CABP1: variants seen among roughly 807,000 people sequenced by gnomAD.
CABP1 encodes calcium binding protein 1, also known as calcium-binding protein 1.
Under a neutral mutation model 34.3 loss-of-function variants are expected in CABP1, and 17 were observed. The ratio of observed to expected loss-of-function variants is 0.50; its 90% CI spans 0.34 to 0.74. CABP1 has a LOEUF of 0.74. Among genes scored for constraint, CABP1 ranks in the 30% least tolerant of loss-of-function variants. The probability of loss-of-function intolerance (pLI) is 0.01; values close to 1 mark genes in which losing one functional copy is unlikely to be tolerated. For synonymous variants in CABP1, 198 were observed against 229.2 expected, an observed-to-expected ratio of 0.86 and a Z score of 1.23; for missense variants, 373 against 511.1, an observed-to-expected ratio of 0.73 and a Z score of 2.61.
chr12:120,648,117 G>C (rs1490151962), intron 1 of CABP1, among the ~76,000 whole-genome samples: 1 of 152,160 alleles, frequency 6.6e-6, no homozygotes, highest in Non-Finnish European at 1.5e-5. Context: ...CTTAACCTGA[G>C]CTTCCCTCTG....
At chr12:120,643,860 A>C (rs1879442759) in intron 1 of CABP1, among the ~76,000 whole-genome samples, 1 of 152,226 alleles carries the variant, frequency 6.6e-6, no homozygotes, top group South Asian at 2.1e-4. Flanking sequence ...AGTGTTAGTT[A>C]TTCTTCTTCT....
Position 120,641,766 on chromosome 12 carries a change from G to C in CABP1, c.654+427G>C, listed in dbSNP as rs1424367168. On this transcript the variant is annotated intron_variant, in intron 1 of 5. Transcript: ENST00000316803. The surrounding 1 kb of genome is among the most constrained non-coding windows in gnomAD (Gnocchi z 6.7). ...GGTTTGGAGTCTGGGGGTCAAGAGA[G>C]GGGACCTCAGAGAACACAGAATTAC... 6.6e-6 allele frequency among the ~76,000 whole-genome samples: 1 copy of C among 152,276 alleles called. No homozygotes were observed. The highest frequency in any genetic ancestry group is 1.9e-4 in the East Asian group (1 of 5,192).
Position 120,641,526 on chromosome 12 carries a change from C to T in CABP1, c.654+187C>T, listed in dbSNP as rs983994007. On this transcript the variant is annotated intron_variant, in intron 1 of 5. Transcript: ENST00000316803. The surrounding 1 kb of genome is among the most constrained non-coding windows in gnomAD (Gnocchi z 6.7). ...CCTCCCCGTGCCTGATTCAGCACCC[C>T]GTGCGCTGTCCACGCTCCGGGCCTC... is the stretch of plus-strand genomic sequence containing the variant. The T allele has an allele frequency of 1.8e-6, 1 of 542,880 alleles. No individual in the cohort carries two copies. The highest frequency in any genetic ancestry group is 4.4e-5 in the Admixed American group (1 of 22,640). 33.6% of individuals were successfully genotyped at this position (542,880 alleles called of 1,614,324 possible).
chr12:120,667,951 A>C (rs1275649441), downstream of CABP1, among the ~76,000 whole-genome samples: 1 of 152,228 alleles, frequency 6.6e-6, no homozygotes, highest in Non-Finnish European at 1.5e-5. Context: ...AGAAGCATCC[A>C]GCAGAGTCTG....
At position 120,661,377 on chromosome 12, in the gene CABP1, A is replaced by G. The variant is rs1448661409; in HGVS notation, c.1087+159A>G. On this transcript the variant is annotated intron_variant, in intron 5 of 5. Coordinates refer to ENST00000316803, the MANE Select transcript of CABP1 (RefSeq NM_001033677.2). This position sits in a 1 kb window ranked among gnomAD's most constrained non-coding sequence, Gnocchi z 5.1. ...CTCCGTCCATGCCCCCGTCTAATCC[A>G]TCTCCCATCCCTTCCCCATGCATCT... 13 of 696,986 alleles carry G rather than the reference A, an allele frequency of 1.9e-5. No homozygotes were observed. Among genetic ancestry groups the G allele is most frequent in the South Asian group, 5.8e-5 (3 of 51,632 alleles). The allele number at this position is 696,986 out of a possible 1,614,324, so 43.2% of individuals were successfully genotyped here.
intron 1 of CABP1, among the ~76,000 whole-genome samples, chr12:120,647,172 C>T (rs181309413): frequency 6.6e-6 from 1 of 152,296 alleles, no homozygotes; most frequent in African/African-American, 2.4e-5. Flanking sequence ...GGATGCCACG[C>T]TTGGCCCTTT....
chr12:120,660,459 C>A lies in CABP1; in HGVS notation c.829+120C>A. The stretch of plus-strand genomic sequence containing the variant: ...TCTTACCAGCTCTGTGATCTGGGGC[C>A]AACCACTTACCCTCTCTGAGCCTCA... On this transcript the variant is annotated intron_variant, in intron 3 of 5. Coordinates refer to ENST00000316803, the MANE Select transcript of CABP1 (RefSeq NM_001033677.2). The surrounding 1 kb of genome is among the most constrained non-coding windows in gnomAD (Gnocchi z 5.0). 9.1e-7 allele frequency: 1 copy of A among 1,103,084 alleles called. No homozygotes were observed. Among genetic ancestry groups the A allele is most frequent in the Non-Finnish European group, 1.3e-6 (1 of 775,816 alleles). 68.3% of individuals were successfully genotyped at this position (1,103,084 alleles called of 1,614,324 possible).
At position 120,641,230 on chromosome 12, in the gene CABP1, G is replaced by C; in HGVS notation, c.545G>C (p.Arg182Pro). Reference protein sequence around the residue: ...ERGLSPALGLRGSLRARGRGD... With the variant: ...ERGLSPALGLPGSLRARGRGD... ...GGACTGTCCCCGGCGCTCGGCCTCC[G>C]GGGCTCTCTGCGAGCCCGGGGCCGC... Residue 182 changes from arginine (R) to proline (P), a missense_variant, in exon 1 of 6, where the codon CGG (arginine) becomes CCG (proline). Physicochemically the swap from Arg to Pro is moderately radical, Grantham distance 103. Coordinates refer to ENST00000316803, the MANE Select transcript of CABP1 (RefSeq NM_001033677.2). This position sits in a 1 kb window ranked among gnomAD's most constrained non-coding sequence, Gnocchi z 6.7. 1 of 1,257,338 alleles carries C rather than the reference G, an allele frequency of 8.0e-7. No homozygotes were observed. The highest frequency in any genetic ancestry group is 1.0e-6 in the Non-Finnish European group (1 of 1,001,970). 77.9% of individuals were successfully genotyped at this position (1,257,338 alleles called of 1,614,324 possible).
In CABP1 at chr12:120,661,663, G is replaced by A. The variant is rs565733779; in HGVS notation, c.1087+445G>A. Reference sequence around the variant, plus strand: ...CATCCATCCATCCGTCCATCCATTCGTCTACATATCTATCCATCCATCCAT... The same window carrying A: ...CATCCATCCATCCGTCCATCCATTCATCTACATATCTATCCATCCATCCAT... On this transcript the variant is annotated intron_variant, in intron 5 of 5. Coordinates refer to ENST00000316803, the MANE Select transcript of CABP1 (RefSeq NM_001033677.2). The surrounding 1 kb of genome is among the most constrained non-coding windows in gnomAD (Gnocchi z 5.1). The A allele has an allele frequency of 8.3e-5, 13 of 156,762 alleles. No individual in the cohort carries two copies. The highest frequency in any genetic ancestry group is 1.7e-4 in the South Asian group (1 of 5,916). The allele number at this position is 156,762 out of a possible 1,614,324, so 9.7% of individuals were successfully genotyped here. A position where few individuals can be genotyped will look rare whatever the true frequency, so the allele number is the denominator to read the frequency against.
chr12:120,658,445 C>T lies in CABP1; in HGVS notation c.655-1433C>T, dbSNP rs566746241. 2.6e-5 allele frequency among the ~76,000 whole-genome samples: 4 copies of T among 152,198 alleles called. No individual in the cohort carries two copies. The East Asian group carries it at 5.8e-4, about 22-fold the overall frequency. ...CGTCCATGCAGTCATCTCAGAGACA[C>T]GCCTCCCTATGGGTGACTCCTACCC... is the stretch of plus-strand genomic sequence containing the variant. On this transcript the variant is annotated intron_variant, in intron 1 of 5. Transcript: ENST00000316803.
chr12:120,647,744 T>A (rs1164091356), intron 1 of CABP1, among the ~76,000 whole-genome samples: 1 of 17,594 alleles, frequency 5.7e-5, no homozygotes, highest in Non-Finnish European at 1.6e-4. Context: ...ACTTTTGTAT[T>A]TTTTTTTTTT....
chr12:120,660,633 G>A lies in CABP1; in HGVS notation c.830-98G>A. On this transcript the variant is annotated intron_variant, in intron 3 of 5. Coordinates refer to ENST00000316803, the MANE Select transcript of CABP1 (RefSeq NM_001033677.2). The surrounding 1 kb of genome is among the most constrained non-coding windows in gnomAD (Gnocchi z 5.0). ...ATTATTAAGTTTGTCTCTATCTGAT[G>A]AGCAGGTCAAGGAGGGGTTGTCCAT... 1 of 835,144 alleles carries A rather than the reference G, an allele frequency of 1.2e-6. No individual in the cohort carries two copies. The highest frequency in any genetic ancestry group is 1.5e-5 in the South Asian group (1 of 68,768). 51.7% of individuals were successfully genotyped at this position (835,144 alleles called of 1,614,324 possible). A position where few individuals can be genotyped will look rare whatever the true frequency, so the allele number is the denominator to read the frequency against.
Position 120,641,585 on chromosome 12 carries a change from T to G in CABP1, c.654+246T>G. On this transcript the variant is annotated intron_variant, in intron 1 of 5. Transcript: ENST00000316803. This position sits in a 1 kb window ranked among gnomAD's most constrained non-coding sequence, Gnocchi z 6.7. The stretch of plus-strand genomic sequence containing the variant: ...AGGCCCTCCCCGCTAGCCTCCCTCA[T>G]ACCCGCCAGAACCCGCCAGTCCTGG... 17 of 357,672 alleles carry G rather than the reference T, an allele frequency of 4.8e-5. No homozygotes were observed. Among genetic ancestry groups the G allele is most frequent in the Middle Eastern group, 7.2e-4 (1 of 1,392 alleles). The allele number at this position is 357,672 out of a possible 1,614,324, so 22.2% of individuals were successfully genotyped here. A position where few individuals can be genotyped will look rare whatever the true frequency, so the allele number is the denominator to read the frequency against.
At chr12:120,672,142 G>A (rs1222697003), downstream of CABP1, among the ~76,000 whole-genome samples, 1 of 152,116 alleles carries the variant, frequency 6.6e-6, no homozygotes, top group East Asian at 1.9e-4. Context: ...ACCAGCCCCT[G>A]GGGTTGCTGA....
Position 120,640,881 on chromosome 12 carries a change from G to A in CABP1, c.196G>A (p.Glu66Lys). 1.8e-6 allele frequency: 2 copies of A among 1,087,416 alleles called. No homozygotes were observed. The highest frequency in any genetic ancestry group is 2.2e-6 in the Non-Finnish European group (2 of 896,904). 67.4% of individuals were successfully genotyped at this position (1,087,416 alleles called of 1,614,324 possible). ...AAMSSHIAKS[E>K]SKTSLLKAAA... ...GATGAGCTCGCACATCGCCAAAAGC[G>A]AGTCCAAGACGTCGCTGCTGAAGGC... Residue 66 changes from glutamate to lysine, a missense_variant, in exon 1 of 6, where the codon GAG becomes AAG. Glu to Lys is a moderately conservative substitution (Grantham distance 56, BLOSUM62 1). Coordinates refer to ENST00000316803, the MANE Select transcript of CABP1 (RefSeq NM_001033677.2). This position sits in a 1 kb window ranked among gnomAD's most constrained non-coding sequence, Gnocchi z 6.2.
At chr12:120,659,127 G>A (rs1880452520) in intron 1 of CABP1, 1 of 152,226 alleles carries the variant, frequency 6.6e-6, no homozygotes, top group Admixed American at 6.5e-5. Context: ...TTTGGACCCT[G>A]GCTCCAGCCA....
chr12:120,644,421 C>T (rs73222778), intron 1 of CABP1, among the ~76,000 whole-genome samples: 5,514 of 152,224 alleles, frequency 0.036, 148 homozygotes, highest in South Asian at 0.11. Flanking sequence ...AAGGATCTTC[C>T]GTACTCCCTC....
intron 1 of CABP1, among the ~76,000 whole-genome samples, chr12:120,656,676 A>C (rs1473033567): frequency 6.6e-6 from 1 of 152,144 alleles, no homozygotes; most frequent in Non-Finnish European, 1.5e-5. Flanking sequence ...TAGGTGGATC[A>C]CTTGAGGTCA....
chr12:120,650,510 T>C (rs1386471106), intron 1 of CABP1: 12 of 1,572,680 alleles, frequency 7.6e-6, no homozygotes, highest in Non-Finnish European at 9.4e-6. Context: ...CTCACATCCG[T>C]CCTGGAGGAA....
Sources: gnomAD v4.1 joint callset for allele counts (sites outside exome capture counted in the v4.1 genomes callset) on GRCh38, gnomAD v4.1.1 for gene constraint, Gnocchi (gnomAD v3.1) non-coding constraint, MANE v1.5 for transcripts, NCBI Gene and HGNC (gene_info 2026-07-23, HGNC 2026-07-21) for gene names.